HSPE1: variants seen among roughly 807,000 people sequenced by gnomAD.
The protein encoded by HSPE1 is 10 kDa heat shock protein, mitochondrial.
HSPE1 carries 1 observed loss-of-function variant against 13.2 expected under a neutral mutation model. That is an observed-to-expected ratio of 0.08 (90% CI 0.03 to 0.36). The LOEUF is 0.36. Among genes scored for constraint, HSPE1 ranks in the 10% least tolerant of loss-of-function variants. The pLI, the probability that HSPE1 is intolerant of heterozygous loss-of-function variation, is 0.99. For missense variants in HSPE1, 73 were observed against 118.7 expected, an observed-to-expected ratio of 0.62 and a Z score of 1.79; for synonymous variants, 44 against 42.0, an observed-to-expected ratio of 1.05 and a Z score of -0.19.
chr2:197,500,911 G>C, intron 1 of HSPE1, 163 bp from the exon 2 acceptor site: 2 of 816,302 alleles, frequency 2.5e-6, no homozygotes, highest in Non-Finnish European at 3.8e-6. Context: ...ATTAAACTTG[G>C]AATATTGGTT....
intron 2 of HSPE1, 60 bp downstream of exon 2, chr2:197,501,298 A>G (rs2086251880): frequency 6.7e-7 from 1 of 1,498,620 alleles, no homozygotes; most frequent in African/African-American, 1.4e-5. Context: ...AAAAGAAGTA[A>G]TTCTGGAGTA....
chr2:197,501,810 C>G (rs964963477), intron 2 of HSPE1, among the ~76,000 whole-genome samples: 11 of 151,422 alleles, frequency 7.3e-5, no homozygotes, highest in African/African-American at 2.7e-4. Context: ...ATTTGGTAGC[C>G]TAGTGTGATC....
At chr2:197,500,727 G>A (rs1394990192) in intron 1 of HSPE1, 2 of 591,366 alleles carry the variant, frequency 3.4e-6, no homozygotes, top group African/African-American at 1.9e-5. Context: ...AATATCTTGG[G>A]TAAAAATCAT....
chr2:197,501,767 CAAA>C (rs11371120), intron 2 of HSPE1, among the ~76,000 whole-genome samples: 5 of 128,364 alleles, frequency 3.9e-5, no homozygotes, highest in Admixed American at 8.1e-5. Flanking sequence ...GATTCTGTCT[CAAA>C]AAAAAAAAAA....
Position 197,503,053 on chromosome 2 carries a change from A to G in HSPE1, c.183A>G (p.Gln61=), listed in dbSNP as rs1312656737. 1.3e-6 allele frequency: 2 copies of G among 1,599,668 alleles called. No homozygotes were observed. The highest frequency in any genetic ancestry group is 2.7e-5 in the African/African-American group (2 of 74,738). ...CCTTTTTTAAGGGTGGAGAGATTCA[A>G]CCAGTTAGCGTGAAAGTTGGAGATA... ...SGSKGKGGEI[Q]PVSVKVGDKV... The change falls in exon 3 of 4, where the codon CAA becomes CAG. Residue 61 remains glutamine (Q), a synonymous_variant. Transcript: ENST00000233893.
At position 197,500,383 on chromosome 2, in the gene HSPE1, GTC is replaced by G; in HGVS notation, c.-50_-49del. ...ACGTGTCGCCAGGGCCGGACTGCGA[GTC>G]TCTTTGCGGCGCTACACTAGAGCAG... On this transcript the variant is annotated 5_prime_UTR_variant, in exon 1 of 4. Transcript: ENST00000233893. 6.3e-7 allele frequency: 1 copy of G among 1,585,450 alleles called. No homozygotes were observed.
At chr2:197,500,976 C>T (rs902617778) in intron 1 of HSPE1, 98 bp from the exon 2 acceptor site, 3 of 1,433,242 alleles carry the variant, frequency 2.1e-6, no homozygotes, top group African/African-American at 2.8e-5. Context: ...TGTTAACTTT[C>T]AAAGCCAAAA....
chr2:197,501,037 A>T (rs766989335), intron 1 of HSPE1, 37 bp from the exon 2 acceptor site: 13 of 1,606,648 alleles, frequency 8.1e-6, no homozygotes, highest in Non-Finnish European at 1.1e-5. Flanking sequence ...ATGTGATTAC[A>T]TTTAGTTTTT....
intron 2 of HSPE1, among the ~76,000 whole-genome samples, chr2:197,501,938 T>C (rs937554164): frequency 4.6e-5 from 7 of 152,066 alleles, no homozygotes; most frequent in Admixed American, 1.3e-4. Context: ...GAGCTCAGGA[T>C]TCAAAATCAG....
chr2:197,502,931 A>G, intron 2 of HSPE1, 108 bp from the exon 3 acceptor site: 1 of 671,084 alleles, frequency 1.5e-6, no homozygotes, highest in Non-Finnish European at 2.6e-6. Flanking sequence ...TTTTTAATAT[A>G]ATTGGATTTG....
At chr2:197,500,626 G>A (rs1226586600) in intron 1 of HSPE1, 187 bp downstream of exon 1, 3 of 849,514 alleles carry the variant, frequency 3.5e-6, no homozygotes, top group African/African-American at 1.7e-5. Context: ...CTTTGCACGC[G>A]CGTGTGCTGC....
At chr2:197,500,660 G>C (rs1389402959) in intron 1 of HSPE1, 2 of 659,968 alleles carry the variant, frequency 3.0e-6, no homozygotes, top group Non-Finnish European at 5.1e-6. Flanking sequence ...AGGGGGGCGA[G>C]AACCCGGGCG....
At chr2:197,502,713 T>C (rs1272668491) in intron 2 of HSPE1, among the ~76,000 whole-genome samples, 1 of 152,258 alleles carries the variant, frequency 6.6e-6, no homozygotes, top group Non-Finnish European at 1.5e-5. Context: ...TTTCATATAG[T>C]TGATAAGTTA....
chr2:197,501,426 A>G (rs933518254), intron 2 of HSPE1, 188 bp downstream of exon 2: 4 of 613,640 alleles, frequency 6.5e-6, no homozygotes, highest in African/African-American at 1.9e-5. Context: ...TATATGACCA[A>G]TGCTATGATG....
In HSPE1 at chr2:197,501,094, G is replaced by A; in HGVS notation, c.24G>A (p.Lys8=). Residue 8 remains lysine (K), a synonymous_variant, in exon 2 of 4, where the codon AAG becomes AAA. Coordinates refer to ENST00000233893, the MANE Select transcript of HSPE1 (RefSeq NM_002157.3). ...TACAGGCAGGACAAGCGTTTAGAAA[G>A]TTTCTTCCACTCTTTGACCGAGTAT... MAGQAFR[K]FLPLFDRVLV... is the part of the protein sequence containing the mutation. 2 of 1,613,694 alleles carry A rather than the reference G, an allele frequency of 1.2e-6. No homozygotes were observed. The highest frequency in any genetic ancestry group is 1.7e-6 in the Non-Finnish European group (2 of 1,179,794).
chr2:197,503,032 T>C lies in HSPE1; in HGVS notation c.169-7T>C. ...TCTTTGCTAATAAACATCCTTCCTT[T>C]TTTAAGGGTGGAGAGATTCAACCAG... On this transcript the variant is annotated splice_polypyrimidine_tract_variant and splice_region_variant and intron_variant, in intron 2 of 3. Coordinates refer to ENST00000233893, the MANE Select transcript of HSPE1 (RefSeq NM_002157.3). 1 of 1,549,742 alleles carries C rather than the reference T, an allele frequency of 6.5e-7. No individual in the cohort carries two copies. The highest frequency in any genetic ancestry group is 8.8e-7 in the Non-Finnish European group (1 of 1,131,316).
Position 197,500,998 on chromosome 2 carries a change from G to A in HSPE1, c.4-76G>A, listed in dbSNP as rs1039189116. ...TTTCAAAGCCAAAACGTGTTGAGATGTATAGCACGGTGGCGTTGCCTGTTG... is the reference window on the plus strand; with the variant it reads ...TTTCAAAGCCAAAACGTGTTGAGATATATAGCACGGTGGCGTTGCCTGTTG... On this transcript the variant is annotated intron_variant, in intron 1 of 3. Coordinates refer to ENST00000233893, the MANE Select transcript of HSPE1 (RefSeq NM_002157.3). The A allele has an allele frequency of 9.8e-5, 151 of 1,548,706 alleles. No homozygotes were observed. In the African/African-American group the frequency reaches 1.6e-3, roughly 16 times the overall value.
chr2:197,502,067 C>G (rs2086263241), intron 2 of HSPE1, among the ~76,000 whole-genome samples: 1 of 152,156 alleles, frequency 6.6e-6, no homozygotes, highest in Non-Finnish European at 1.5e-5. Context: ...GAAACTTGGA[C>G]TGTTCGTTTA....
At chr2:197,501,434 A>G in intron 2 of HSPE1, 196 bp downstream of exon 2, 1 of 602,310 alleles carries the variant, frequency 1.7e-6, no homozygotes, top group South Asian at 2.6e-5. Flanking sequence ...CAATGCTATG[A>G]TGCTTATTTT....
Sources: gnomAD v4.1 joint callset for allele counts (sites outside exome capture counted in the v4.1 genomes callset) on GRCh38, gnomAD v4.1.1 for gene constraint, MANE v1.5 for transcripts, NCBI Gene and HGNC (gene_info 2026-07-23, HGNC 2026-07-21) for gene names.